The following PTPRT variants were observed in gnomAD, a reference collection of about 807,000 sequenced individuals.
PTPRT encodes receptor-type tyrosine-protein phosphatase T.
PTPRT carries 56 observed loss-of-function variants against 176.8 expected under a neutral mutation model. The observed-to-expected ratio is 0.32, with a 90% CI of 0.26 to 0.40. The LOEUF (loss-of-function observed/expected upper bound fraction) is 0.40. Among genes scored for constraint, PTPRT ranks in the 10% least tolerant of loss-of-function variants. The probability of loss-of-function intolerance (pLI) is 1.00; values close to 1 mark genes in which losing one functional copy is unlikely to be tolerated. For missense variants in PTPRT, 1,540 were observed against 1,908.2 expected (o/e 0.81, Z 3.60); for synonymous variants, 783 against 739.0 (o/e 1.06, Z -0.96).
chr20:42,051,294 G>T, the PTPRT span, among the ~76,000 whole-genome samples: 39 of 152,182 alleles, frequency 2.6e-4, no homozygotes, highest in Non-Finnish European at 4.7e-4. Context: ...AGAGGAGGAT[G>T]CATTCCCACT....
chr20:42,327,080 GGTGTGT>G (rs139401290), intron 11 of PTPRT, among the ~76,000 whole-genome samples: 126 of 146,428 alleles, frequency 8.6e-4, no homozygotes, highest in Middle Eastern at 3.4e-3. Flanking sequence ...ACTAGGTAGG[GGTGTGT>G]GTGTGTGTGT....
the PTPRT span, among the ~76,000 whole-genome samples, chr20:42,045,381 A>C: frequency 5.9e-5 from 9 of 151,806 alleles, no homozygotes; most frequent in Admixed American, 2.0e-4. Context: ...CTGAAGGGAA[A>C]ATGTCAGTGA....
intron 15 of PTPRT, among the ~76,000 whole-genome samples, chr20:42,223,598 C>T (rs1385113713): frequency 6.6e-6 from 1 of 152,196 alleles, no homozygotes; most frequent in African/African-American, 2.4e-5. Context: ...CACAGTAAAA[C>T]AGTCAATGTG....
intron 6 of PTPRT, among the ~76,000 whole-genome samples, chr20:42,709,805 C>A (rs1377245317): frequency 1.3e-5 from 2 of 152,080 alleles, no homozygotes; most frequent in African/African-American, 2.4e-5. Context: ...TGGTTGTGAC[C>A]AAAATGCTGA....
At chr20:43,021,128 TTAAA>T (rs1299466574) in intron 1 of PTPRT, among the ~76,000 whole-genome samples, 1 of 152,018 alleles carries the variant, frequency 6.6e-6, no homozygotes, top group Non-Finnish European at 1.5e-5. Context: ...AAATCAACAA[TTAAA>T]TAAAGAAATT....
intron 1 of PTPRT, among the ~76,000 whole-genome samples, chr20:43,096,717 G>A (rs2012184805): frequency 1.3e-5 from 2 of 152,162 alleles, no homozygotes; most frequent in Admixed American, 6.5e-5. Context: ...CATCCCCAAG[G>A]GCCTGGCTGG....
chr20:42,210,984 T>A (rs1263650526), intron 15 of PTPRT, among the ~76,000 whole-genome samples: 3 of 151,692 alleles, frequency 2.0e-5, no homozygotes, highest in Non-Finnish European at 2.9e-5. Flanking sequence ...CCCTCAGAAA[T>A]AACGCCGCAT....
chr20:42,215,925 C>G (rs6065444), intron 15 of PTPRT, among the ~76,000 whole-genome samples: 1 of 152,224 alleles, frequency 6.6e-6, no homozygotes, highest in Non-Finnish European at 1.5e-5. Flanking sequence ...ACTCTGTCTC[C>G]TGAAGGCCTC....
chr20:42,157,668 G>A (rs886597002), intron 17 of PTPRT, among the ~76,000 whole-genome samples: 1 of 151,964 alleles, frequency 6.6e-6, no homozygotes, highest in Admixed American at 6.6e-5. Flanking sequence ...CTAGAATCTG[G>A]CAACTGCCCC....
intron 9 of PTPRT, among the ~76,000 whole-genome samples, chr20:42,414,527 T>C (rs1050637890): frequency 3.9e-5 from 6 of 152,134 alleles, no homozygotes; most frequent in African/African-American, 1.4e-4. Flanking sequence ...AGAAAATAAA[T>C]AGAAGATCTT....
chr20:43,060,158 G>A (rs563380818), intron 1 of PTPRT, among the ~76,000 whole-genome samples: 41 of 151,970 alleles, frequency 2.7e-4, no homozygotes, highest in Admixed American at 1.8e-3. Flanking sequence ...CCCATTTCTC[G>A]GTACCAATTT....
At chr20:42,784,965 T>C (rs1453307602) in intron 3 of PTPRT, among the ~76,000 whole-genome samples, 4 of 152,204 alleles carry the variant, frequency 2.6e-5, no homozygotes, top group African/African-American at 9.7e-5. Context: ...TTAATAATAA[T>C]ATATTGTGCA....
At chr20:42,806,556 G>A (rs1358457995) in intron 2 of PTPRT, among the ~76,000 whole-genome samples, 2 of 151,294 alleles carry the variant, frequency 1.3e-5, no homozygotes, top group Non-Finnish European at 2.9e-5. Flanking sequence ...AATTAATACA[G>A]GTAATAGTAG....
Position 42,629,520 on chromosome 20 carries a change from T to C in PTPRT, c.1153+48346A>G, listed in dbSNP as rs144413544. Among the ~76,000 whole-genome samples the C allele has an allele frequency of 2.9e-4, 44 of 152,296 alleles. 1 individual carries two copies. The East Asian group carries it at 7.7e-3, about 27-fold the overall frequency. On this transcript the variant is annotated intron_variant, in intron 7 of 30. Transcript: ENST00000373187. ...ATGGGATCTGGTGGCAAACACATTT[T>C]CCTACCATAATGCCCCAACAATTGC...
At chr20:42,226,195 A>T (rs957337162) in intron 15 of PTPRT, among the ~76,000 whole-genome samples, 1 of 152,162 alleles carries the variant, frequency 6.6e-6, no homozygotes, top group South Asian at 2.1e-4. Context: ...AGACTCAACA[A>T]TTTTCTCTCC....
At chr20:42,314,927 C>G (rs1357315801) in intron 12 of PTPRT, among the ~76,000 whole-genome samples, 1 of 128,722 alleles carries the variant, frequency 7.8e-6, no homozygotes, top group Non-Finnish European at 1.8e-5. Context: ...AGAATAAGCA[C>G]TAATGCCAGT....
intron 7 of PTPRT, among the ~76,000 whole-genome samples, chr20:42,512,699 T>C (rs2071980216): frequency 6.6e-6 from 1 of 152,180 alleles, no homozygotes; most frequent in Admixed American, 6.6e-5. Context: ...ATTAACTAAA[T>C]GTTTTCAAGC....
intron 22 of PTPRT, among the ~76,000 whole-genome samples, chr20:42,113,942 C>T (rs1445659231): frequency 2.6e-5 from 4 of 152,126 alleles, no homozygotes; most frequent in South Asian, 2.1e-4. Flanking sequence ...GGGGAGCTTC[C>T]GGGGCAAACA....
the PTPRT span, among the ~76,000 whole-genome samples, chr20:42,037,775 T>C: frequency 2.8e-4 from 43 of 152,300 alleles, no homozygotes; most frequent in Admixed American, 1.6e-3. Flanking sequence ...TGAAGGACAC[T>C]GAAGACACAT....
Sources: gnomAD v4.1 joint callset for allele counts (sites outside exome capture counted in the v4.1 genomes callset) on GRCh38, gnomAD v4.1.1 for gene constraint, MANE v1.5 for transcripts, NCBI Gene and HGNC (gene_info 2026-07-23, HGNC 2026-07-21) for gene names.